IRAK2: variants seen among roughly 807,000 people sequenced by gnomAD.
The protein encoded by IRAK2 is interleukin-1 receptor-associated kinase-like 2.
In IRAK2, 57 loss-of-function variants were observed where a neutral mutation model predicts 72.0. The observed-to-expected ratio is 0.79, with a 90% CI of 0.64 to 0.99. IRAK2 has a LOEUF of 0.99. Among genes scored for constraint, IRAK2 ranks in the 50% least tolerant of loss-of-function variants. The pLI, the probability that IRAK2 is intolerant of heterozygous loss-of-function variation, is 0.00. For missense variants in IRAK2, 790 were observed against 794.4 expected (o/e 0.99, Z 0.07); for synonymous variants, 293 against 312.7 (o/e 0.94, Z 0.67).
chr3:10,182,037 G>C (rs1312824270), intron 2 of IRAK2, among the ~76,000 whole-genome samples: 2 of 143,718 alleles, frequency 1.4e-5, no homozygotes, highest in African/African-American at 5.2e-5. Flanking sequence ...GCGCAATCTT[G>C]GCTCACCGCA....
intron 1 of IRAK2, among the ~76,000 whole-genome samples, chr3:10,167,705 G>A (rs530714995): frequency 1.6e-4 from 24 of 152,214 alleles, no homozygotes; most frequent in East Asian, 1.4e-3. Context: ...GTGAGCCACC[G>A]CGCCCAGCCA....
At chr3:10,193,321 A>G (rs1244778577) in intron 2 of IRAK2, among the ~76,000 whole-genome samples, 2 of 151,960 alleles carry the variant, frequency 1.3e-5, no homozygotes, top group African/African-American at 2.4e-5. Flanking sequence ...TCCAGATTCC[A>G]GGCTGGGTGC....
At chr3:10,165,869 T>G (rs914981985) in intron 1 of IRAK2, among the ~76,000 whole-genome samples, 4 of 152,066 alleles carry the variant, frequency 2.6e-5, no homozygotes, top group African/African-American at 7.2e-5. Context: ...TAGCTGGGAC[T>G]ACAGGCGCCC....
At position 10,237,036 on chromosome 3, in the gene IRAK2, AGG is replaced by A. The variant is rs544234762; in HGVS notation, c.1474-1710_1474-1709del. Reference sequence around the variant, plus strand: ...ACACCTGCAATCCAGCCAGTGAAAGAGGGTTAAAAGGAAAAGGTGGACACACT... The same window carrying A: ...ACACCTGCAATCCAGCCAGTGAAAGAGTTAAAAGGAAAAGGTGGACACACT... On this transcript the variant is annotated intron_variant, in intron 11 of 12. Coordinates refer to ENST00000256458, the MANE Select transcript of IRAK2 (RefSeq NM_001570.4). 1.1e-3 allele frequency among the ~76,000 whole-genome samples: 166 copies of A among 152,358 alleles called. 1 individual carries two copies. Among genetic ancestry groups the A allele is most frequent in the African/African-American group, 3.9e-3 (162 of 41,590 alleles).
intron 6 of IRAK2, among the ~76,000 whole-genome samples, chr3:10,215,920 G>A (rs1476720016): frequency 6.6e-6 from 1 of 152,162 alleles, no homozygotes; most frequent in East Asian, 1.9e-4. Context: ...TAGGCTCTAG[G>A]GAGTGTACGC....
At chr3:10,241,566 G>GATTGATAAATAAATAA (rs1698061051) in intron 12 of IRAK2, among the ~76,000 whole-genome samples, 1 of 131,740 alleles carries the variant, frequency 7.6e-6, no homozygotes, top group African/African-American at 2.9e-5. Flanking sequence ...CTCAACAAAT[G>GATTGATAAATAAATAA]ATAAATAAAT....
chr3:10,179,385 C>A (rs1696927175), intron 2 of IRAK2, among the ~76,000 whole-genome samples: 1 of 151,436 alleles, frequency 6.6e-6, no homozygotes, highest in African/African-American at 2.4e-5. Flanking sequence ...GATTCTCCTG[C>A]CTCAGCCTCC....
intron 1 of IRAK2, among the ~76,000 whole-genome samples, chr3:10,172,856 A>AG (rs1696819631): frequency 6.7e-6 from 1 of 148,976 alleles, no homozygotes; most frequent in African/African-American, 2.4e-5. Flanking sequence ...AAAAAAAAAA[A>AG]AAAAAGTAGA....
Position 10,225,898 on chromosome 3 carries a change from G to A in IRAK2, c.1210-473G>A, listed in dbSNP as rs562653202. 4.6e-5 allele frequency among the ~76,000 whole-genome samples: 7 copies of A among 151,922 alleles called. No homozygotes were observed. The South Asian group carries it at 6.2e-4, about 14-fold the overall frequency. The stretch of plus-strand genomic sequence containing the variant: ...GTATCTTTAGTAGAGACGGGGTTTC[G>A]CTGTGTTAGCCAGGATGGTCTCGAT... On this transcript the variant is annotated intron_variant, in intron 9 of 12. Transcript: ENST00000256458.
chr3:10,185,036 T>G (rs1697032635), intron 2 of IRAK2, among the ~76,000 whole-genome samples: 1 of 149,824 alleles, frequency 6.7e-6, no homozygotes, highest in Non-Finnish European at 1.5e-5. Context: ...GGGCCAAAAC[T>G]CCATTCCCAG....
At chr3:10,207,836 T>G (rs1312826686) in intron 3 of IRAK2, among the ~76,000 whole-genome samples, 2 of 151,734 alleles carry the variant, frequency 1.3e-5, no homozygotes, top group Admixed American at 6.6e-5. Context: ...CTAATAAAAA[T>G]ACAAAAATTA....
At chr3:10,184,074 C>T (rs909632427) in intron 2 of IRAK2, among the ~76,000 whole-genome samples, 1 of 152,214 alleles carries the variant, frequency 6.6e-6, no homozygotes. Flanking sequence ...GAGATGGCCC[C>T]TCTGTGCCCC....
intron 3 of IRAK2, among the ~76,000 whole-genome samples, chr3:10,208,800 G>A (rs1697472587): frequency 6.6e-6 from 1 of 151,934 alleles, no homozygotes; most frequent in Admixed American, 6.6e-5. Flanking sequence ...GTAGAAACGG[G>A]ATCTTGTCAT....
In IRAK2 at chr3:10,203,780, C is replaced by T. The variant is rs373222533; in HGVS notation, c.424+3265C>T. The stretch of plus-strand genomic sequence containing the variant: ...CCGAGTAGCTGGCACTACAGGTGCG[C>T]GCCACCACGCCCAGCTAATTTTTTG... On this transcript the variant is annotated intron_variant, in intron 3 of 12. Transcript: ENST00000256458. Among the ~76,000 whole-genome samples, 27 of 152,268 alleles carry T rather than the reference C, an allele frequency of 1.8e-4. 1 individual carries two copies. The highest frequency in any genetic ancestry group is 7.7e-4 in the East Asian group (4 of 5,180).
intron 3 of IRAK2, among the ~76,000 whole-genome samples, chr3:10,208,000 A>C (rs910053508): frequency 6.6e-6 from 1 of 151,146 alleles, no homozygotes; most frequent in Admixed American, 6.6e-5. Context: ...TCCAAAAAAA[A>C]AAAAAAAAAA....
chr3:10,180,119 C>T (rs11465865), intron 2 of IRAK2, among the ~76,000 whole-genome samples: 58 of 152,172 alleles, frequency 3.8e-4, no homozygotes, highest in African/African-American at 1.1e-3. Flanking sequence ...GCTGTGAAGT[C>T]GAAGAGAATA....
rs193241579 is a variant in IRAK2, at chr3:10,222,787, G to C, written c.1165G>C (p.Val389Leu). 3 of 1,614,212 alleles carry C rather than the reference G, an allele frequency of 1.9e-6. No individual in the cohort carries two copies. The highest frequency in any genetic ancestry group is 2.5e-6 in the Non-Finnish European group (3 of 1,180,042). Residue 389 changes from valine to leucine, a missense_variant, in exon 9 of 13, where the codon GTG becomes CTG. Coordinates refer to ENST00000256458, the MANE Select transcript of IRAK2 (RefSeq NM_001570.4). ...GTATCTGCCAGAGGATTTCATCCGGGTGGGGCAGCTGACAAAGCGAGTGGA... is the reference window on the plus strand; with the variant it reads ...GTATCTGCCAGAGGATTTCATCCGGCTGGGGCAGCTGACAAAGCGAGTGGA... ...AAYLPEDFIR[V>L]GQLTKRVDIF...
In IRAK2 at chr3:10,222,601, A is replaced by G. The variant is rs760389791; in HGVS notation, c.1014-35A>G. On this transcript the variant is annotated intron_variant, in intron 8 of 12. Transcript: ENST00000256458. ...TGGCAACTTGTTGTTATCCAGCTCA[A>G]AATGAGAAGGTTCCCTCTCCTTTCA... is the stretch of plus-strand genomic sequence containing the variant. 6.4e-5 allele frequency: 102 copies of G among 1,582,276 alleles called. No individual in the cohort carries two copies. The Middle Eastern group carries it at 6.7e-4, about 10-fold the overall frequency.
At chr3:10,235,819 C>T (rs1360791250) in intron 11 of IRAK2, among the ~76,000 whole-genome samples, 1 of 152,178 alleles carries the variant, frequency 6.6e-6, no homozygotes, top group African/African-American at 2.4e-5. Context: ...TCAGAGCTCT[C>T]TGGACTCCCA....
Sources: gnomAD v4.1 joint callset for allele counts (sites outside exome capture counted in the v4.1 genomes callset) on GRCh38, gnomAD v4.1.1 for gene constraint, MANE v1.5 for transcripts, NCBI Gene and HGNC (gene_info 2026-07-23, HGNC 2026-07-21) for gene names.